Variants in ELFN2 observed in about 807,000 individuals in gnomAD.
ELFN2 encodes the protein extracellular leucine rich repeat and fibronectin type III domain containing 2.
ELFN2 carries 17 observed loss-of-function variants against 45.5 expected under a neutral mutation model. The observed-to-expected ratio is 0.37, with a 90% CI of 0.26 to 0.56. The LOEUF is 0.56. ELFN2 is among the 20% of genes least tolerant of loss of function. ELFN2 has a pLI of 0.77. For missense variants in ELFN2, 922 were observed against 1,183.2 expected, an observed-to-expected ratio of 0.78 and a Z score of 3.24; for synonymous variants, 550 against 551.5, an observed-to-expected ratio of 1.00 and a Z score of 0.04.
chr22:37,395,789 G>A (rs1280576735), intron 2 of ELFN2, among the ~76,000 whole-genome samples: 11 of 152,188 alleles, frequency 7.2e-5, no homozygotes, highest in Admixed American at 7.2e-4. Flanking sequence ...TGCAAAACTA[G>A]TGTCTGGCGT....
chr22:37,385,834 G>T (rs6000704), intron 2 of ELFN2, among the ~76,000 whole-genome samples: 121,741 of 152,206 alleles, frequency 0.8, 48,944 homozygotes, highest in African/African-American at 0.89. Flanking sequence ...AGCATGGATC[G>T]GTCATTTAGG....
intron 1 of ELFN2, among the ~76,000 whole-genome samples, chr22:37,355,525 TC>T (rs1262049420): frequency 6.6e-6 from 1 of 152,166 alleles, no homozygotes; most frequent in African/African-American, 2.4e-5. Context: ...CATTGTCAAG[TC>T]CCTTCTCAGA....
At chr22:37,392,374 G>C (rs9622615) in intron 2 of ELFN2, among the ~76,000 whole-genome samples, 1 of 148,176 alleles carries the variant, frequency 6.7e-6, no homozygotes, top group Non-Finnish European at 1.5e-5. Context: ...CTGGAGTGCA[G>C]TGGCGCAATC....
chr22:37,399,129 C>A (rs1188922817), intron 2 of ELFN2, among the ~76,000 whole-genome samples: 1 of 152,110 alleles, frequency 6.6e-6, no homozygotes, highest in Non-Finnish European at 1.5e-5. Flanking sequence ...GAGCTTCTTA[C>A]CCCTCTCTGA....
Position 37,373,066 on chromosome 22 carries a change from G to C in ELFN2, c.*6C>G, listed in dbSNP as rs372219343. ...GCTCCGACCTCACCAGGGAGGAAGGGGGGGGTCACAGCTTCTGCTGGGCGG... is the reference window on the plus strand; with the variant it reads ...GCTCCGACCTCACCAGGGAGGAAGGCGGGGGTCACAGCTTCTGCTGGGCGG... On this transcript the variant is annotated 3_prime_UTR_variant, in exon 3 of 3. Transcript: ENST00000402918. 514 of 1,582,196 alleles carry C rather than the reference G, an allele frequency of 3.2e-4. 5 individuals are homozygous for C. The South Asian group carries it at 4.7e-3, about 14-fold the overall frequency.
At chr22:37,402,245 C>T (rs1188967165) in intron 2 of ELFN2, among the ~76,000 whole-genome samples, 1 of 152,218 alleles carries the variant, frequency 6.6e-6, no homozygotes, top group African/African-American at 2.4e-5. Flanking sequence ...AAATACCCTC[C>T]GGTTAATCCA....
chr22:37,423,876 C>A (rs1174864749), intron 1 of ELFN2, among the ~76,000 whole-genome samples: 1 of 152,068 alleles, frequency 6.6e-6, no homozygotes, highest in Non-Finnish European at 1.5e-5. Flanking sequence ...CCCCCAGACA[C>A]CATCTCCAGT....
intron 2 of ELFN2, among the ~76,000 whole-genome samples, chr22:37,403,779 G>A (rs551359605): frequency 2.3e-4 from 35 of 152,354 alleles, no homozygotes; most frequent in Admixed American, 3.9e-4. Context: ...GGCGGTGCCC[G>A]CCGTGTATGC....
chr22:37,412,971 G>C (rs1336398214), intron 2 of ELFN2, among the ~76,000 whole-genome samples: 3 of 152,134 alleles, frequency 2.0e-5, no homozygotes, highest in African/African-American at 7.2e-5. Flanking sequence ...TGTGGGCGGG[G>C]ACCTCTGAGC....
intron 1 of ELFN2, among the ~76,000 whole-genome samples, chr22:37,348,226 G>A (rs1385420844): frequency 6.6e-6 from 1 of 152,122 alleles, no homozygotes; most frequent in Admixed American, 6.5e-5. Context: ...TGCTGGGGAA[G>A]GAGGAGAGCA....
intron 2 of ELFN2, among the ~76,000 whole-genome samples, chr22:37,406,797 G>A (rs576812279): frequency 5.9e-5 from 9 of 152,362 alleles, no homozygotes; most frequent in Admixed American, 5.2e-4. Flanking sequence ...TGGGAGGGTG[G>A]TGGTGCAGGG....
chr22:37,425,736 C>T (rs1932842803), intron 1 of ELFN2, among the ~76,000 whole-genome samples: 1 of 152,308 alleles, frequency 6.6e-6, no homozygotes, highest in South Asian at 2.1e-4. Context: ...CCCGGCTCAT[C>T]AGGACAGCAC....
chr22:37,426,433 G>A (rs1340525864), intron 1 of ELFN2, among the ~76,000 whole-genome samples: 5 of 151,776 alleles, frequency 3.3e-5, no homozygotes, highest in East Asian at 1.9e-4. Context: ...GACAGTGTGC[G>A]TGTGTGCGCT....
At chr22:37,382,270 G>A (rs947595659) in intron 2 of ELFN2, among the ~76,000 whole-genome samples, 4 of 149,184 alleles carry the variant, frequency 2.7e-5, no homozygotes, top group East Asian at 4.0e-4. Flanking sequence ...GGCTCTCAGC[G>A]CCCACCTAAA....
chr22:37,401,302 C>A (rs556142039), intron 2 of ELFN2, among the ~76,000 whole-genome samples: 1 of 152,344 alleles, frequency 6.6e-6, no homozygotes, highest in African/African-American at 2.4e-5. Flanking sequence ...ATATATAACA[C>A]TATCATTGTC....
chr22:37,416,307 GT>G (rs1932759174), intron 2 of ELFN2, among the ~76,000 whole-genome samples: 1 of 152,218 alleles, frequency 6.6e-6, no homozygotes, highest in Non-Finnish European at 1.5e-5. Context: ...GGCCTGCTGA[GT>G]CCGGCACTCA....
In ELFN2 at chr22:37,374,402, G is replaced by C. The variant is rs1363942191; in HGVS notation, c.1133C>G (p.Thr378Ser). The change falls in exon 3 of 3, where the codon ACC (threonine) becomes AGC (serine). Residue 378 changes from threonine (T) to serine (S), a missense_variant. Physicochemically the swap from Thr to Ser is moderately conservative, Grantham distance 58. Transcript: ENST00000402918. ...RRFNHTCLTF[T>S]TRDPVPGDLA... The stretch of plus-strand genomic sequence containing the variant: ...GTCTCCGGGGACGGGGTCCCGCGTG[G>C]TGAAGGTCAGGCAGGTGTGGTTGAA... 1 of 1,613,982 alleles carries C rather than the reference G, an allele frequency of 6.2e-7. No individual in the cohort carries two copies. The highest frequency in any genetic ancestry group is 8.5e-7 in the Non-Finnish European group (1 of 1,179,906).
intron 2 of ELFN2, among the ~76,000 whole-genome samples, chr22:37,403,217 C>T (rs891028310): frequency 1.4e-5 from 2 of 146,600 alleles, no homozygotes; most frequent in East Asian, 2.2e-4. Context: ...ACCTGTCCAT[C>T]CATTCATTCT....
rs745576208 is a variant in ELFN2 at position 37,375,502 on chromosome 22, C to T, written c.33G>A (p.Leu11=). 6 of 1,575,870 alleles carry T rather than the reference C, an allele frequency of 3.8e-6. No individual in the cohort carries two copies. The East Asian group carries it at 1.2e-4, about 31-fold the overall frequency. MLRLGLCAAA[L]LCVCRPGAVR... ...CGGCACCCGGCCGGCACACGCACAG[C>T]AGCGCCGCCGCGCACAGCCCCAGGC... is the stretch of plus-strand genomic sequence containing the variant. Residue 11 remains leucine, a synonymous_variant, in exon 3 of 3, where the codon CTG becomes CTA. Transcript: ENST00000402918.
Sources: allele counts gnomAD v4.1 joint callset (sites outside exome capture counted in the v4.1 genomes callset), GRCh38; gene constraint gnomAD v4.1.1; transcripts MANE v1.5; gene names NCBI Gene and HGNC (gene_info 2026-07-23, HGNC 2026-07-21).